Variants in TBC1D8 observed in about 807,000 individuals in gnomAD.
The protein encoded by TBC1D8 is TBC1 domain family member 8.
A neutral mutation model predicts 118.8 loss-of-function variants in TBC1D8; 65 were observed. That is an observed-to-expected ratio of 0.55 (90% CI 0.45 to 0.67). TBC1D8 has a LOEUF of 0.67. TBC1D8 is among the 30% of genes least tolerant of loss of function. The pLI is 0.00. For missense variants in TBC1D8, 1,376 were observed against 1,471.2 expected (o/e 0.94, Z 1.06); for synonymous variants, 566 against 595.8 (o/e 0.95, Z 0.73).
At chr2:101,017,442 A>C (rs950144609) in intron 17 of TBC1D8, among the ~76,000 whole-genome samples, 6 of 152,218 alleles carry the variant, frequency 3.9e-5, no homozygotes, top group African/African-American at 1.4e-4. Context: ...CATCATCACA[A>C]AAACATCAGT....
At chr2:101,150,470 T>A (rs556945416) in intron 1 of TBC1D8, among the ~76,000 whole-genome samples, 65 of 152,234 alleles carry the variant, frequency 4.3e-4, no homozygotes, top group African/African-American at 1.5e-3. Context: ...AGAAAAAAAA[T>A]GCTTTGTTTT....
At chr2:101,083,689 C>G (rs1675411090) in intron 2 of TBC1D8, among the ~76,000 whole-genome samples, 1 of 152,222 alleles carries the variant, frequency 6.6e-6, no homozygotes, top group Non-Finnish European at 1.5e-5. Flanking sequence ...GTGCAAGCAG[C>G]CAAACTCAAG....
At chr2:101,119,555 T>C (rs1678008484) in intron 1 of TBC1D8, among the ~76,000 whole-genome samples, 1 of 152,208 alleles carries the variant, frequency 6.6e-6, no homozygotes, top group South Asian at 2.1e-4. Flanking sequence ...TTGGCTGCAG[T>C]GCAGAGCCGG....
At chr2:101,025,578 G>T (rs1015405915) in intron 15 of TBC1D8, among the ~76,000 whole-genome samples, 2 of 152,116 alleles carry the variant, frequency 1.3e-5, no homozygotes, top group African/African-American at 2.4e-5. Context: ...GAAAAAAATG[G>T]TTTTTTCTTT....
chr2:101,073,591 G>A (rs1053310060), intron 2 of TBC1D8, among the ~76,000 whole-genome samples: 9 of 152,218 alleles, frequency 5.9e-5, no homozygotes, highest in African/African-American at 1.7e-4. Context: ...CACCACACCC[G>A]GCCATCTACA....
At chr2:101,094,054 C>A (rs778855522) in intron 1 of TBC1D8, among the ~76,000 whole-genome samples, 6 of 152,066 alleles carry the variant, frequency 3.9e-5, no homozygotes, top group Non-Finnish European at 7.3e-5. Flanking sequence ...TATCCCCTCC[C>A]CAGCAGAGGC....
intron 1 of TBC1D8, among the ~76,000 whole-genome samples, chr2:101,102,547 AC>A (rs979611486): frequency 2.0e-5 from 3 of 151,916 alleles, no homozygotes; most frequent in African/African-American, 7.3e-5. Flanking sequence ...CAAAAAAAAA[AC>A]AACAAAAAAC....
At chr2:101,083,678 T>C (rs1178308729) in intron 2 of TBC1D8, among the ~76,000 whole-genome samples, 3 of 152,222 alleles carry the variant, frequency 2.0e-5, no homozygotes, top group African/African-American at 4.8e-5. Flanking sequence ...CCCATCCTGC[T>C]GTGCAAGCAG....
intron 1 of TBC1D8, among the ~76,000 whole-genome samples, chr2:101,150,839 T>C (rs1343315993): frequency 6.6e-6 from 1 of 151,924 alleles, no homozygotes; most frequent in Non-Finnish European, 1.5e-5. Context: ...GCGTTTCTCC[T>C]TCGATTCCCA....
At chr2:101,100,213 C>A (rs532934373) in intron 1 of TBC1D8, among the ~76,000 whole-genome samples, 1 of 151,948 alleles carries the variant, frequency 6.6e-6, no homozygotes, top group African/African-American at 2.4e-5. Context: ...TCCTATACAC[C>A]AACAACAGAC....
intron 2 of TBC1D8, among the ~76,000 whole-genome samples, chr2:101,060,466 T>C (rs1273596872): frequency 2.0e-5 from 3 of 152,206 alleles, no homozygotes; most frequent in Non-Finnish European, 4.4e-5. Flanking sequence ...GGTCTTACGG[T>C]ACATGTTAAA....
chr2:101,102,593 T>C (rs1050750252), intron 1 of TBC1D8, among the ~76,000 whole-genome samples: 1 of 149,972 alleles, frequency 6.7e-6, no homozygotes. Context: ...AAGAAACTCA[T>C]TTAAGACTCA....
intron 14 of TBC1D8, among the ~76,000 whole-genome samples, chr2:101,027,822 AT>A (rs760622829): frequency 6.6e-6 from 1 of 152,240 alleles, no homozygotes; most frequent in Non-Finnish European, 1.5e-5. Context: ...AGGCACTGTT[AT>A]CCCCATTTTA....
chr2:101,120,788 G>C (rs1466558415), intron 1 of TBC1D8, among the ~76,000 whole-genome samples: 2 of 152,278 alleles, frequency 1.3e-5, no homozygotes, highest in Admixed American at 6.5e-5. Context: ...ACCTTAACAA[G>C]AGCTGGCTCA....
chr2:101,066,139 T>C (rs775365830), intron 2 of TBC1D8, among the ~76,000 whole-genome samples: 1 of 151,474 alleles, frequency 6.6e-6, no homozygotes, highest in Non-Finnish European at 1.5e-5. Flanking sequence ...CAAAAATTAG[T>C]TGGGTGTGGT....
At chr2:101,123,118 T>A (rs112535669) in intron 1 of TBC1D8, among the ~76,000 whole-genome samples, 3 of 152,048 alleles carry the variant, frequency 2.0e-5, no homozygotes, top group African/African-American at 7.2e-5. Context: ...CACCTTGTAG[T>A]CCAAGCCACT....
intron 1 of TBC1D8, among the ~76,000 whole-genome samples, chr2:101,115,657 A>G (rs1323769705): frequency 6.6e-6 from 1 of 152,150 alleles, no homozygotes; most frequent in Non-Finnish European, 1.5e-5. Flanking sequence ...AGGCCAAGGC[A>G]CAAGAACTGC....
At chr2:101,057,884 T>C (rs1682531807) in intron 3 of TBC1D8, among the ~76,000 whole-genome samples, 1 of 152,198 alleles carries the variant, frequency 6.6e-6, no homozygotes, top group African/African-American at 2.4e-5. Context: ...GTCAGTGTAA[T>C]TTCCAGGGCC....
chr2:101,079,708 C>T (rs1177111535), intron 2 of TBC1D8, among the ~76,000 whole-genome samples: 14 of 93,244 alleles, frequency 1.5e-4, no homozygotes, highest in East Asian at 6.9e-4. Flanking sequence ...TTTTTTGAGA[C>T]GGAGTCTTGC....
Sources: gnomAD v4.1 joint callset for allele counts (sites outside exome capture counted in the v4.1 genomes callset) on GRCh38, gnomAD v4.1.1 for gene constraint, MANE v1.5 for transcripts, NCBI Gene and HGNC (gene_info 2026-07-23, HGNC 2026-07-21) for gene names.